Variants in ARL15 observed in about 807,000 individuals in gnomAD.
ARL15 encodes the protein ARF like GTPase 15, also known as ADP-ribosylation factor-like protein 15.
Under a neutral mutation model 25.2 loss-of-function variants are expected in ARL15, and 19 were observed. That is an observed-to-expected ratio of 0.75 (90% CI 0.53 to 1.10). The LOEUF (loss-of-function observed/expected upper bound fraction) is 1.10. ARL15 is among the 50% of genes least tolerant of loss of function. The pLI is 0.00. For synonymous variants in ARL15, 94 were observed against 86.8 expected, an observed-to-expected ratio of 1.08 and a Z score of -0.46; for missense variants, 220 against 246.0, an observed-to-expected ratio of 0.89 and a Z score of 0.71.
intron 4 of ARL15, among the ~76,000 whole-genome samples, chr5:54,099,836 T>C (rs966923846): frequency 6.6e-6 from 1 of 152,148 alleles, no homozygotes; most frequent in Non-Finnish European, 1.5e-5. Flanking sequence ...ATTTTACAGA[T>C]GAGAAAACAG....
Position 54,272,103 on chromosome 5 carries a change from C to T in ARL15, c.48+38329G>A, listed in dbSNP as rs1332336386. Among the ~76,000 whole-genome samples the T allele has an allele frequency of 2.7e-5, 3 of 112,596 alleles. No individual in the cohort carries two copies. In the Admixed American group the frequency reaches 2.8e-4, roughly 11 times the overall value. The allele number at this position is 112,596 out of a possible 152,430, so 73.9% of individuals were successfully genotyped here. On this transcript the variant is annotated intron_variant, in intron 1 of 4. Coordinates refer to ENST00000504924, the MANE Select transcript of ARL15 (RefSeq NM_019087.3). The stretch of plus-strand genomic sequence containing the variant: ...GGCCTATAGGTGTGTGCCACCACTC[C>T]TGGCTTTTTTTTTTTTTTTTTTTTT...
intron 4 of ARL15, among the ~76,000 whole-genome samples, chr5:53,894,117 C>T (rs1422427552): frequency 6.6e-6 from 1 of 152,076 alleles, no homozygotes. Context: ...TTTGGGGGTG[C>T]GTATTTATTT....
intron 2 of ARL15, 68 bp from the exon 3 acceptor site, chr5:54,154,707 C>A: frequency 1.1e-6 from 1 of 938,404 alleles, no homozygotes; most frequent in Non-Finnish European, 1.6e-6. Context: ...TTAGGATGCT[C>A]AAATTGTCTC....
At chr5:54,113,095 G>A in intron 4 of ARL15, 107 bp downstream of exon 4, 1 of 1,087,246 alleles carries the variant, frequency 9.2e-7, no homozygotes, top group South Asian at 1.6e-5. Flanking sequence ...CATGTTGAAA[G>A]CAGCATAACC....
At chr5:54,246,293 A>G (rs548468856) in intron 1 of ARL15, among the ~76,000 whole-genome samples, 9 of 151,996 alleles carry the variant, frequency 5.9e-5, no homozygotes, top group Non-Finnish European at 1.2e-4. Flanking sequence ...ACTAACATGA[A>G]GCTATTCTCA....
At chr5:53,920,481 T>G (rs542926005) in intron 4 of ARL15, among the ~76,000 whole-genome samples, 2 of 152,112 alleles carry the variant, frequency 1.3e-5, no homozygotes, top group Non-Finnish European at 2.9e-5. Context: ...TCACTGTAGC[T>G]GCTGCCTGGT....
At chr5:54,013,997 C>T (rs1749328292) in intron 4 of ARL15, among the ~76,000 whole-genome samples, 1 of 152,200 alleles carries the variant, frequency 6.6e-6, no homozygotes, top group Non-Finnish European at 1.5e-5. Flanking sequence ...TTGGCTTCAT[C>T]TGCACAGTGG....
At chr5:54,050,994 G>A (rs959686339) in intron 4 of ARL15, among the ~76,000 whole-genome samples, 3 of 152,132 alleles carry the variant, frequency 2.0e-5, no homozygotes, top group Non-Finnish European at 2.9e-5. Context: ...TGATGATACC[G>A]TAAAGGTAGA....
chr5:54,058,950 C>T (rs547200510), intron 4 of ARL15, among the ~76,000 whole-genome samples: 6 of 152,284 alleles, frequency 3.9e-5, no homozygotes, highest in Admixed American at 6.5e-5. Flanking sequence ...GCTGGTGAGA[C>T]GTCATTAGGT....
intron 4 of ARL15, among the ~76,000 whole-genome samples, chr5:54,077,361 T>G (rs966373063): frequency 6.6e-6 from 1 of 152,166 alleles, no homozygotes; most frequent in African/African-American, 2.4e-5. Context: ...CTTTAGACAG[T>G]TCATTAAACT....
intron 4 of ARL15, among the ~76,000 whole-genome samples, chr5:54,069,970 T>G (rs1206029974): frequency 6.8e-6 from 1 of 147,876 alleles, no homozygotes; most frequent in African/African-American, 2.5e-5. Flanking sequence ...CCACCACACC[T>G]GGCTGGAGGG....
chr5:54,123,393 G>A (rs980024010), intron 3 of ARL15, among the ~76,000 whole-genome samples: 8 of 152,192 alleles, frequency 5.3e-5, no homozygotes, highest in South Asian at 2.1e-4. Context: ...ACAGGCGTGA[G>A]CCAACGCACC....
chr5:53,935,988 A>C (rs536071404), intron 4 of ARL15, among the ~76,000 whole-genome samples: 1 of 152,204 alleles, frequency 6.6e-6, no homozygotes, highest in South Asian at 2.1e-4. Flanking sequence ...ACCTCAGGTG[A>C]TCCACCTGCC....
intron 4 of ARL15, among the ~76,000 whole-genome samples, chr5:53,965,142 C>G (rs1022463683): frequency 1.3e-5 from 2 of 152,174 alleles, no homozygotes; most frequent in Non-Finnish European, 2.9e-5. Flanking sequence ...GATTTTCACA[C>G]AATTGAAAGC....
At position 53,926,355 on chromosome 5, in the gene ARL15, G is replaced by A. The variant is rs567067204; in HGVS notation, c.463-39642C>T. 4.0e-4 allele frequency among the ~76,000 whole-genome samples: 61 copies of A among 152,200 alleles called. No homozygotes were observed. In the Middle Eastern group the frequency reaches 0.024, roughly 59 times the overall value. On this transcript the variant is annotated intron_variant, in intron 4 of 4. Transcript: ENST00000504924. ...CCCAGTGGAATCTGGGACCATGGAA[G>A]AAAGGGCTGTCTAGTGGGAAGATGA...
chr5:54,278,244 C>G (rs1034126357), intron 1 of ARL15, among the ~76,000 whole-genome samples: 1 of 152,172 alleles, frequency 6.6e-6, no homozygotes, highest in Non-Finnish European at 1.5e-5. Flanking sequence ...CAAAGCAATG[C>G]CCTTGTGTGC....
At chr5:54,044,998 G>C (rs1249505326) in intron 4 of ARL15, among the ~76,000 whole-genome samples, 2 of 152,142 alleles carry the variant, frequency 1.3e-5, no homozygotes, top group African/African-American at 4.8e-5. Context: ...CTTCAACTCA[G>C]AACAATTGCA....
At chr5:54,179,098 ACCCTGG>A (rs1754973280) in intron 1 of ARL15, among the ~76,000 whole-genome samples, 1 of 152,214 alleles carries the variant, frequency 6.6e-6, no homozygotes, top group Non-Finnish European at 1.5e-5. Context: ...CAGGATTCAA[ACCCTGG>A]CAGTCTGGCT....
chr5:54,098,796 T>C (rs572934510), intron 4 of ARL15, among the ~76,000 whole-genome samples: 1 of 152,274 alleles, frequency 6.6e-6, no homozygotes, highest in South Asian at 2.1e-4. Flanking sequence ...AACTAATCCT[T>C]AAAATTTCCC....
Sources: allele counts gnomAD v4.1 joint callset (sites outside exome capture counted in the v4.1 genomes callset), GRCh38; gene constraint gnomAD v4.1.1; transcripts MANE v1.5; gene names NCBI Gene and HGNC (gene_info 2026-07-23, HGNC 2026-07-21).